The following RTN2 variants were observed in gnomAD, a reference collection of about 807,000 sequenced individuals.
RTN2 encodes the protein reticulon 2, also known as reticulon-2.
In RTN2, 36 loss-of-function variants were observed where a neutral mutation model predicts 63.7. The ratio of observed to expected loss-of-function variants is 0.56; its 90% CI spans 0.43 to 0.75. RTN2 has a LOEUF of 0.75. Ranked by LOEUF, RTN2 falls within the 30% of genes least tolerant of loss-of-function variation. RTN2 has a pLI of 0.00. For missense variants in RTN2, 673 were observed against 705.1 expected (o/e 0.95, Z 0.52); for synonymous variants, 312 against 313.0 (o/e 1.00, Z 0.03).
intron 9 of RTN2, 129 bp downstream of exon 9, chr19:45,488,342 G>T: frequency 1.2e-6 from 1 of 841,320 alleles, no homozygotes; most frequent in Non-Finnish European, 1.9e-6. Context: ...TGGTTGTATT[G>T]GGAAGGTGCT....
At chr19:45,488,259 A>G (rs1398216201) in intron 9 of RTN2, among the ~76,000 whole-genome samples, 1 of 152,212 alleles carries the variant, frequency 6.6e-6, no homozygotes, top group African/African-American at 2.4e-5. Context: ...TCTCAAAGAA[A>G]ACCCAAAACA....
intron 4 of RTN2, 116 bp from the exon 5 acceptor site, chr19:45,493,494 A>G (rs746631187): frequency 3.9e-6 from 3 of 776,974 alleles, no homozygotes; most frequent in Non-Finnish European, 6.4e-6. Flanking sequence ...GAGTCTCCCT[A>G]TGTTGCCCAG....
intron 7 of RTN2, 36 bp downstream of exon 7, chr19:45,488,812 G>A (rs1968085830): frequency 5.0e-6 from 8 of 1,597,022 alleles, no homozygotes; most frequent in Non-Finnish European, 6.8e-6. Flanking sequence ...AGAGGTGAAT[G>A]GGGGAACCCA....
At position 45,494,289 on chromosome 19, in the gene RTN2, G is replaced by A. The variant is rs1968223109; in HGVS notation, c.691C>T (p.Pro231Ser). 4 of 1,614,030 alleles carry A rather than the reference G, an allele frequency of 2.5e-6. No homozygotes were observed. The highest frequency in any genetic ancestry group is 1.6e-4 in the Middle Eastern group (1 of 6,062). ...TCCTCTTCCAGCAATGGCTCTTCGGGCCCAGAGTTCGAATCTCGCGATCGG... is the reference window on the plus strand; with the variant it reads ...TCCTCTTCCAGCAATGGCTCTTCGGACCCAGAGTTCGAATCTCGCGATCGG... ...PSRSRDSNSG[P>S]EEPLLEEEEK... is the part of the protein sequence containing the mutation. The change falls in exon 4 of 11, where the codon CCC becomes TCC. Residue 231 changes from proline to serine, a missense_variant. Pro to Ser is a moderately conservative substitution (Grantham distance 74). Transcript: ENST00000245923. This position sits in a 1 kb window ranked among gnomAD's most constrained non-coding sequence, Gnocchi z 5.3.
intron 5 of RTN2, among the ~76,000 whole-genome samples, chr19:45,490,007 A>ATTATT (rs1344730132): frequency 1.3e-5 from 2 of 150,924 alleles, no homozygotes; most frequent in Non-Finnish European, 2.9e-5. Context: ...TTTTTTAAAA[A>ATTATT]TTATTTTATT....
intron 1 of RTN2, 96 bp from the exon 2 acceptor site, chr19:45,495,235 G>C: frequency 6.9e-7 from 1 of 1,439,762 alleles, no homozygotes; most frequent in Non-Finnish European, 9.7e-7. Flanking sequence ...TTGAATCACG[G>C]GATTTTTAGA....
In RTN2 at chr19:45,495,077, A is replaced by G. The variant is rs769749537; in HGVS notation, c.79+18T>C. 4 of 1,614,114 alleles carry G rather than the reference A, an allele frequency of 2.5e-6. No individual in the cohort carries two copies. The highest frequency in any genetic ancestry group is 2.5e-6 in the Non-Finnish European group (3 of 1,180,022). ...GCTGCCCAGCCCTGAGCCCCTTCAC[A>G]TGCTCCCCACCACTTACCTTCTGTG... On this transcript the variant is annotated intron_variant, in intron 2 of 10. Transcript: ENST00000245923.
At chr19:45,490,293 C>T (rs961294726) in intron 5 of RTN2, among the ~76,000 whole-genome samples, 7 of 152,116 alleles carry the variant, frequency 4.6e-5, no homozygotes, top group African/African-American at 1.7e-4. Flanking sequence ...TGCTACCGCG[C>T]CTGGCCTTAA....
At chr19:45,486,226 C>G in intron 9 of RTN2, 113 bp from the exon 10 acceptor site, 1 of 815,740 alleles carries the variant, frequency 1.2e-6, no homozygotes, top group Non-Finnish European at 2.1e-6. Context: ...AAGAGTGGCC[C>G]ACCACGCCAC....
rs1455193519 is a variant in RTN2, at chr19:45,489,331, G to A, written c.1241+15C>T. On this transcript the variant is annotated intron_variant, in intron 6 of 10. Coordinates refer to ENST00000245923, the MANE Select transcript of RTN2 (RefSeq NM_005619.5). ...GTCAGGACAGGGGCTCAGGTCAGGGGCCGGGGGTTCTCACTGGAAAGGGTT... is the reference window on the plus strand; with the variant it reads ...GTCAGGACAGGGGCTCAGGTCAGGGACCGGGGGTTCTCACTGGAAAGGGTT... 5 of 1,551,428 alleles carry A rather than the reference G, an allele frequency of 3.2e-6. No individual in the cohort carries two copies. The highest frequency in any genetic ancestry group is 4.9e-5 in the East Asian group (2 of 41,232).
Position 45,494,700 on chromosome 19 carries a change from T to A in RTN2, c.385A>T (p.Thr129Ser), listed in dbSNP as rs147152016. Residue 129 changes from threonine to serine, a missense_variant, in exon 3 of 11, where the codon ACC becomes TCC. Physicochemically the swap from Thr to Ser is moderately conservative, Grantham distance 58. Coordinates refer to ENST00000245923, the MANE Select transcript of RTN2 (RefSeq NM_005619.5). This position sits in a 1 kb window ranked among gnomAD's most constrained non-coding sequence, Gnocchi z 5.3. The part of the protein sequence containing the change: ...PEPGRRGDPD[T>S]APPSERPLED... ...AGAGGGCGCTCGGATGGAGGCGCGG[T>A]GTCAGGATCACCCCGTCGTCCAGGC... 2.6e-5 allele frequency: 42 copies of A among 1,613,272 alleles called. No individual in the cohort carries two copies. In the African/African-American group the frequency reaches 4.7e-4, roughly 18 times the overall value.
rs1464992054 is a variant in RTN2 at position 45,485,470 on chromosome 19, G to A, written c.*238C>T. On this transcript the variant is annotated 3_prime_UTR_variant, in exon 11 of 11. Coordinates refer to ENST00000245923, the MANE Select transcript of RTN2 (RefSeq NM_005619.5). ...CCTGTCTAGGCAACTACAAGTCCCA[G>A]CAGGCCCCGCGGCCAAGGTGCCTCG... is the stretch of plus-strand genomic sequence containing the variant. 3.6e-6 allele frequency: 2 copies of A among 557,358 alleles called. No homozygotes were observed. The highest frequency in any genetic ancestry group is 6.4e-6 in the Non-Finnish European group (2 of 310,160). 34.5% of individuals were successfully genotyped at this position (557,358 alleles called of 1,614,324 possible).
Position 45,496,777 on chromosome 19 carries a change from T to C in RTN2, c.34+15A>G, listed in dbSNP as rs745681292. On this transcript the variant is annotated intron_variant, in intron 1 of 10. Coordinates refer to ENST00000245923, the MANE Select transcript of RTN2 (RefSeq NM_005619.5). The stretch of plus-strand genomic sequence containing the variant: ...CTCTGGGGCCCACACCAGGCCCCAG[T>C]CTTCCTCTACTCACTGCAGTGGGCG... 5.5e-5 allele frequency: 83 copies of C among 1,504,072 alleles called. No homozygotes were observed. Among genetic ancestry groups the C allele is most frequent in the Non-Finnish European group, 5.1e-5 (57 of 1,119,280 alleles). The allele number at this position is 1,504,072 out of a possible 1,614,324, so 93.2% of individuals were successfully genotyped here.
Position 45,490,080 on chromosome 19 carries a change from C to T in RTN2, c.1034-527G>A, listed in dbSNP as rs183909054. On this transcript the variant is annotated intron_variant, in intron 5 of 10. Transcript: ENST00000245923. ...GCAGTGGCGCAATCACGACTCACTG[C>T]AACCTCCGCCTCCCTGGTTCAAGCG... 2.8e-3 allele frequency among the ~76,000 whole-genome samples: 420 copies of T among 152,254 alleles called. 3 individuals carry two copies. Among genetic ancestry groups the T allele is most frequent in the African/African-American group, 9.6e-3 (399 of 41,556 alleles).
At chr19:45,493,935 C>T (rs1331238328) in intron 4 of RTN2, 4 of 560,130 alleles carry the variant, frequency 7.1e-6, no homozygotes, top group Non-Finnish European at 1.2e-5. Flanking sequence ...AGTGATCCGC[C>T]CGCCTCGGCC....
Position 45,485,710 on chromosome 19 carries a change from A to T in RTN2, c.1636T>A (p.Ter546ArgextTer46). 6.2e-7 allele frequency: 1 copy of T among 1,613,786 alleles called. No individual in the cohort carries two copies. Among genetic ancestry groups the T allele is most frequent in the Non-Finnish European group, 8.5e-7 (1 of 1,179,804 alleles). Residue 546 changes from the stop codon to arginine (R), a stop_lost, in exon 11 of 11, where the codon TGA becomes AGA. Transcript: ENST00000245923. ...TCCTGCGGGCAGAGACACCGTTCTCATTCGGCTTTGGCTTTGGATCCGGAG... is the reference window on the plus strand; with the variant it reads ...TCCTGCGGGCAGAGACACCGTTCTCTTTCGGCTTTGGCTTTGGATCCGGAG... ...AVSGSKAKAE* is the reference protein window; with the variant it reads ...AVSGSKAKAER
chr19:45,486,239 C>T (rs760377831), intron 9 of RTN2, 126 bp from the exon 10 acceptor site: 2 of 754,308 alleles, frequency 2.7e-6, no homozygotes, highest in African/African-American at 1.7e-5. Flanking sequence ...CACGCCACCC[C>T]CGGCTCTAAA....
chr19:45,496,926 T>A lies in RTN2; in HGVS notation c.-101A>T. ...ATCTCCGCCGCGCCCACGACGCCGC[T>A]GCCATTCTCGCCGCCTCCTCCTCCC... On this transcript the variant is annotated 5_prime_UTR_variant, in exon 1 of 11. Transcript: ENST00000245923. 3 of 634,178 alleles carry A rather than the reference T, an allele frequency of 4.7e-6. No individual in the cohort carries two copies. Among genetic ancestry groups the A allele is most frequent in the East Asian group, 3.6e-5 (1 of 28,026 alleles). The allele number at this position is 634,178 out of a possible 1,614,324, so 39.3% of individuals were successfully genotyped here. A position where few individuals can be genotyped will look rare whatever the true frequency, so the allele number is the denominator to read the frequency against.
intron 10 of RTN2, 114 bp from the exon 11 acceptor site, chr19:45,485,903 G>C: frequency 6.1e-6 from 7 of 1,153,110 alleles, no homozygotes; most frequent in Non-Finnish European, 9.0e-6. Context: ...GCCAGCTCCT[G>C]CCCTCCACCT....
Sources: gnomAD v4.1 joint callset for allele counts (sites outside exome capture counted in the v4.1 genomes callset) on GRCh38, gnomAD v4.1.1 for gene constraint, Gnocchi (gnomAD v3.1) non-coding constraint, MANE v1.5 for transcripts, NCBI Gene and HGNC (gene_info 2026-07-23, HGNC 2026-07-21) for gene names.